The following LRCOL1 variants were observed in gnomAD, a reference collection of about 807,000 sequenced individuals.
LRCOL1 encodes leucine rich colipase like 1, also known as leucine-rich colipase-like protein 1.
Under a neutral mutation model 21.6 loss-of-function variants are expected in LRCOL1, and 21 were observed. That is an observed-to-expected ratio of 0.97 (90% CI 0.69 to 1.40). LRCOL1 has a LOEUF of 1.40. LRCOL1 is among the 40% of genes most tolerant of loss of function. LRCOL1 has a pLI of 0.00. For synonymous variants in LRCOL1, 98 were observed against 90.1 expected (o/e 1.09, Z -0.49); for missense variants, 198 against 202.3 (o/e 0.98, Z 0.13).
At position 132,606,043 on chromosome 12, in the gene LRCOL1, G is replaced by A; in HGVS notation, c.105+104C>T. 1 of 1,044,742 alleles carries A rather than the reference G, an allele frequency of 9.6e-7. No individual in the cohort carries two copies. Among genetic ancestry groups the A allele is most frequent in the Non-Finnish European group, 1.4e-6 (1 of 720,704 alleles). The allele number at this position is 1,044,742 out of a possible 1,614,324, so 64.7% of individuals were successfully genotyped here. ...CTTTGAGACCCTCCTGACGGAAAGT[G>A]GCAGCCCTCGCGGGTGGGGACTGCA... On this transcript the variant is annotated intron_variant, in intron 2 of 5. Coordinates refer to ENST00000376608, the MANE Select transcript of LRCOL1 (RefSeq NM_001195520.2). This position sits in a 1 kb window ranked among gnomAD's most constrained non-coding sequence, Gnocchi z 4.6.
chr12:132,604,862 G>C (rs764397546), intron 2 of LRCOL1, 31 bp from the exon 3 acceptor site: 337 of 1,534,006 alleles, frequency 2.2e-4, no homozygotes, highest in Non-Finnish European at 2.9e-4. Context: ...TCGCTCACCT[G>C]TTCCTGGGCA....
chr12:132,605,539 G>A (rs1390926465), intron 2 of LRCOL1, among the ~76,000 whole-genome samples: 3 of 152,114 alleles, frequency 2.0e-5, no homozygotes, highest in Admixed American at 1.3e-4. Flanking sequence ...GAACAGCCTC[G>A]TCAACATGGT....
At chr12:132,605,029 G>C (rs1374374293) in intron 2 of LRCOL1, 198 bp from the exon 3 acceptor site, 6 of 1,415,276 alleles carry the variant, frequency 4.2e-6, no homozygotes, top group Non-Finnish European at 4.6e-6. Context: ...CTGAGAAAGG[G>C]AATGTCTACT....
At chr12:132,608,927 A>C (rs574778549) in intron 1 of LRCOL1, among the ~76,000 whole-genome samples, 9 of 152,176 alleles carry the variant, frequency 5.9e-5, no homozygotes, top group Non-Finnish European at 1.2e-4. Context: ...CTGACAGATC[A>C]AAGGGCCCTG....
chr12:132,603,632 CG>C, intron 5 of LRCOL1: 1 of 840,234 alleles, frequency 1.2e-6, no homozygotes, highest in South Asian at 5.9e-5. Flanking sequence ...TGGTGGTACC[CG>C]AGGGCGCCTG....
At chr12:132,607,739 C>G (rs1220997891) in intron 1 of LRCOL1, among the ~76,000 whole-genome samples, 1 of 145,350 alleles carries the variant, frequency 6.9e-6, no homozygotes. Flanking sequence ...GTCTCTCCCT[C>G]TCTCCGTCTC....
chr12:132,604,991 C>T, intron 2 of LRCOL1, 160 bp from the exon 3 acceptor site: 3 of 1,445,706 alleles, frequency 2.1e-6, no homozygotes, highest in Non-Finnish European at 2.7e-6. Context: ...TGCCGTGGTT[C>T]TGGCAGGTCA....
At chr12:132,607,912 TC>T (rs2041332407) in intron 1 of LRCOL1, among the ~76,000 whole-genome samples, 1 of 137,576 alleles carries the variant, frequency 7.3e-6, no homozygotes, top group Non-Finnish European at 1.6e-5. Flanking sequence ...TCTCCCTCTC[TC>T]CGTCTGTCTC....
At chr12:132,608,277 C>G (rs187392569) in intron 1 of LRCOL1, among the ~76,000 whole-genome samples, 3 of 152,192 alleles carry the variant, frequency 2.0e-5, no homozygotes, top group Admixed American at 1.3e-4. Flanking sequence ...GTGGCCTCCC[C>G]ACGTGATCAG....
rs779843870 is a variant in LRCOL1 at position 132,604,681 on chromosome 12, ACC to A, written c.231+23_231+24del. On this transcript the variant is annotated intron_variant, in intron 3 of 5. Coordinates refer to ENST00000376608, the MANE Select transcript of LRCOL1 (RefSeq NM_001195520.2). ...GGGCCACAGGCAGTCTCGCTCCTCC[ACC>A]CCCGCCCCTGCACGCACCTCACCTT... 3.3e-6 allele frequency: 5 copies of A among 1,527,220 alleles called. No homozygotes were observed. In the South Asian group the frequency reaches 6.0e-5, roughly 18 times the overall value. 94.6% of individuals were successfully genotyped at this position (1,527,220 alleles called of 1,614,324 possible).
At chr12:132,610,046 C>T (rs1211735096) in intron 1 of LRCOL1, among the ~76,000 whole-genome samples, 1 of 152,234 alleles carries the variant, frequency 6.6e-6, no homozygotes, top group Admixed American at 6.5e-5. Flanking sequence ...GAGCGTAAGA[C>T]CCTGGGGCTG....
chr12:132,607,813 CTCTGTCTCTT>C (rs1476435373), intron 1 of LRCOL1, among the ~76,000 whole-genome samples: 3 of 150,418 alleles, frequency 2.0e-5, no homozygotes, highest in Admixed American at 6.6e-5. Flanking sequence ...GTCTCCCTCT[CTCTGTCTCTT>C]TCTGTCTCTG....
chr12:132,606,082 C>T lies in LRCOL1; in HGVS notation c.105+65G>A, dbSNP rs1275293035. 29 of 1,472,180 alleles carry T rather than the reference C, an allele frequency of 2.0e-5. No homozygotes were observed. The Middle Eastern group carries it at 5.3e-4, about 27-fold the overall frequency. 91.2% of individuals were successfully genotyped at this position (1,472,180 alleles called of 1,614,324 possible). A position where few individuals can be genotyped will look rare whatever the true frequency, so the allele number is the denominator to read the frequency against. ...GTGGGGACTGCAAGGGCCTCAGGGG[C>T]GCCCGGCACCCACCTTATGGCGCGT... On this transcript the variant is annotated intron_variant, in intron 2 of 5. Transcript: ENST00000376608. This position sits in a 1 kb window ranked among gnomAD's most constrained non-coding sequence, Gnocchi z 4.6.
intron 1 of LRCOL1, among the ~76,000 whole-genome samples, chr12:132,608,944 C>T (rs1323252363): frequency 6.6e-6 from 1 of 152,170 alleles, no homozygotes; most frequent in African/African-American, 2.4e-5. Flanking sequence ...CCTGCTCAGC[C>T]CAGGAACAGG....
intron 1 of LRCOL1, among the ~76,000 whole-genome samples, chr12:132,609,418 C>T (rs1283490355): frequency 4.6e-5 from 7 of 152,162 alleles, no homozygotes; most frequent in East Asian, 3.8e-4. Context: ...TAAGACGGCC[C>T]GGGCATGGGG....
chr12:132,604,367 C>A lies in LRCOL1; in HGVS notation c.364G>T (p.Asp122Tyr). The A allele has an allele frequency of 6.5e-7, 1 of 1,535,554 alleles. No individual in the cohort carries two copies. Among genetic ancestry groups the A allele is most frequent in the Non-Finnish European group, 8.7e-7 (1 of 1,146,610 alleles). The change falls in exon 5 of 6, where the codon GAC (aspartate) becomes TAC (tyrosine). Residue 122 changes from aspartate to tyrosine, a missense_variant. Transcript: ENST00000376608. ...QCVPWRKPNG[D>Y]FCSSHQECHS... Reference sequence around the variant, plus strand: ...CACTCCTGATGGCTGCTGCAGAAGTCGCCGTTGGGCTGGGGAGGCAGCCAG... The same window carrying A: ...CACTCCTGATGGCTGCTGCAGAAGTAGCCGTTGGGCTGGGGAGGCAGCCAG...
In LRCOL1 at chr12:132,606,267, G is replaced by T; in HGVS notation, c.-13-3C>A. 3 of 1,535,898 alleles carry T rather than the reference G, an allele frequency of 2.0e-6. No homozygotes were observed. Among genetic ancestry groups the T allele is most frequent in the South Asian group, 1.2e-5 (1 of 84,026 alleles). On this transcript the variant is annotated splice_polypyrimidine_tract_variant and splice_region_variant and intron_variant, in intron 1 of 5. Coordinates refer to ENST00000376608, the MANE Select transcript of LRCOL1 (RefSeq NM_001195520.2). The surrounding 1 kb of genome is among the most constrained non-coding windows in gnomAD (Gnocchi z 4.6). ...GGCCGGCCATCGGGTGTGTGGACCT[G>T]CAGAGACCCAGGATTGTGTGGGAGT...
chr12:132,607,919 GTC>G lies in LRCOL1; in HGVS notation c.-13-1657_-13-1656del, dbSNP rs573533617. 1.5e-3 allele frequency among the ~76,000 whole-genome samples: 159 copies of G among 106,704 alleles called. No individual in the cohort carries two copies. The Middle Eastern group carries it at 0.027, about 18-fold the overall frequency. 70.0% of individuals were successfully genotyped at this position (106,704 alleles called of 152,430 possible). ...TCTCTGTCTCTCCCTCTCTCCGTCT[GTC>G]TCTCTCTGTCTCTCCCTCTCTTTCT... On this transcript the variant is annotated intron_variant, in intron 1 of 5. Coordinates refer to ENST00000376608, the MANE Select transcript of LRCOL1 (RefSeq NM_001195520.2).
rs1454029805 is a variant in LRCOL1 at position 132,606,860 on chromosome 12, G to A, written c.-13-596C>T. 7.4e-6 allele frequency among the ~76,000 whole-genome samples: 1 copy of A among 135,942 alleles called. No homozygotes were observed. Among genetic ancestry groups the A allele is most frequent in the African/African-American group, 2.5e-5 (1 of 40,330 alleles). 89.2% of individuals were successfully genotyped at this position (135,942 alleles called of 152,430 possible). The stretch of plus-strand genomic sequence containing the variant: ...CCTCTGTGGCTTTTCGTGGCATAAT[G>A]ACTCATTTCTTTTTAGCACTGCATG... On this transcript the variant is annotated intron_variant, in intron 1 of 5. Coordinates refer to ENST00000376608, the MANE Select transcript of LRCOL1 (RefSeq NM_001195520.2). This position sits in a 1 kb window ranked among gnomAD's most constrained non-coding sequence, Gnocchi z 4.6.
Sources: allele counts gnomAD v4.1 joint callset (sites outside exome capture counted in the v4.1 genomes callset), GRCh38; gene constraint gnomAD v4.1.1; non-coding constraint Gnocchi (gnomAD v3.1); transcripts MANE v1.5; gene names NCBI Gene and HGNC (gene_info 2026-07-23, HGNC 2026-07-21).